CENPV: variants seen among roughly 807,000 people sequenced by gnomAD.
CENPV encodes the protein centromere protein V, also known as nuclear protein p30.
CENPV carries 15 observed loss-of-function variants against 26.4 expected under a neutral mutation model. The observed-to-expected ratio is 0.57, with a 90% CI of 0.38 to 0.88. CENPV has a LOEUF of 0.88. Among genes scored for constraint, CENPV ranks in the 40% least tolerant of loss-of-function variants. The pLI is 0.00. For synonymous variants in CENPV, 172 were observed against 165.5 expected (o/e 1.04, Z -0.30); for missense variants, 336 against 376.5 (o/e 0.89, Z 0.89).
intron 2 of CENPV, chr17:16,349,416 G>C (rs1004326065): frequency 1.0e-6 from 1 of 986,022 alleles, no homozygotes; most frequent in African/African-American, 1.7e-5. Context: ...TGTCGTCCCT[G>C]CTCCATCATA....
At chr17:16,346,342 T>C (rs962552073) in intron 3 of CENPV, among the ~76,000 whole-genome samples, 4 of 152,176 alleles carry the variant, frequency 2.6e-5, no homozygotes, top group Non-Finnish European at 4.4e-5. Context: ...TGTCCCTCAA[T>C]AGAGGACCGG....
rs2093236354 is a variant in CENPV at position 16,353,461 on chromosome 17, C to T, written c.-25G>A. 8.4e-6 allele frequency: 9 copies of T among 1,069,032 alleles called. No homozygotes were observed. The highest frequency in any genetic ancestry group is 4.2e-4 in the Middle Eastern group (1 of 2,354). 66.2% of individuals were successfully genotyped at this position (1,069,032 alleles called of 1,614,324 possible). On this transcript the variant is annotated 5_prime_UTR_variant, in exon 1 of 5. Coordinates refer to ENST00000299736, the MANE Select transcript of CENPV (RefSeq NM_181716.3). ...TGGCTCCCGCAGCCTGGCGCGCAGG[C>T]CTCGCAGCGCGGCGCGCCCCCGCCG...
Position 16,353,253 on chromosome 17 carries a change from G to A in CENPV, c.184C>T (p.Arg62Trp). ...GCCCGCGGCGACGAGCGCCTCAGCC[G>A]CGGCTTCTCCGACGGCGGCTTCTCC... The part of the protein sequence containing the change: ...AVEKPPSEKP[R>W]LRRSSPRAQE... Residue 62 changes from arginine to tryptophan, a missense_variant, in exon 1 of 5, where the codon CGG becomes TGG. Physicochemically the swap from Arg to Trp is moderately radical, Grantham distance 101. This residue lies in a region of CENPV where 181 missense variants were observed against 148.8 expected (regional missense o/e 1.22). Transcript: ENST00000299736. 1.4e-6 allele frequency: 2 copies of A among 1,416,822 alleles called. No individual in the cohort carries two copies. Among genetic ancestry groups the A allele is most frequent in the African/African-American group, 1.5e-5 (1 of 67,180 alleles). The allele number at this position is 1,416,822 out of a possible 1,614,324, so 87.8% of individuals were successfully genotyped here.
intron 4 of CENPV, 31 bp downstream of exon 4, chr17:16,344,566 C>G (rs2093196826): frequency 7.4e-7 from 1 of 1,348,536 alleles, no homozygotes; most frequent in Non-Finnish European, 1.0e-6. Flanking sequence ...TCTGTGTCCC[C>G]CTGAGCTTGC....
chr17:16,346,685 A>T (rs934356525), intron 3 of CENPV, among the ~76,000 whole-genome samples: 10 of 151,554 alleles, frequency 6.6e-5, no homozygotes, highest in African/African-American at 2.4e-4. Flanking sequence ...TGGGAGGCGG[A>T]GGTTACAGTG....
At chr17:16,349,391 C>T (rs1431406749) in intron 2 of CENPV, 1 of 985,896 alleles carries the variant, frequency 1.0e-6, no homozygotes, top group Admixed American at 6.1e-5. Flanking sequence ...AACTTTGGGT[C>T]CCAAAGCCAG....
At chr17:16,350,150 C>T (rs1272744474) in intron 1 of CENPV, 121 bp from the exon 2 acceptor site, 1 of 1,224,706 alleles carries the variant, frequency 8.2e-7, no homozygotes, top group Non-Finnish European at 1.1e-6. Context: ...CAACCAGATG[C>T]ATTTCTGCTT....
intron 2 of CENPV, 46 bp from the exon 3 acceptor site, chr17:16,348,731 A>G (rs1186727532): frequency 1.2e-6 from 2 of 1,611,420 alleles, no homozygotes; most frequent in Non-Finnish European, 1.7e-6. Context: ...AGCCACCTGC[A>G]TCCTCTATGC....
At chr17:16,351,660 T>C (rs2093229665) in intron 1 of CENPV, 1 of 152,206 alleles carries the variant, frequency 6.6e-6, no homozygotes, top group South Asian at 2.1e-4. Context: ...TTATACACAC[T>C]TTTTGAATAT....
intron 1 of CENPV, 47 bp downstream of exon 1, chr17:16,352,980 G>A: frequency 2.7e-6 from 4 of 1,500,424 alleles, no homozygotes; most frequent in Non-Finnish European, 3.5e-6. Flanking sequence ...CTGCCGAGGG[G>A]GTCCGCGTGG....
rs1216431209 is a variant in CENPV, at chr17:16,344,670, T to C, written c.621A>G (p.Lys207=). 1.9e-6 allele frequency: 3 copies of C among 1,600,010 alleles called. No homozygotes were observed. The highest frequency in any genetic ancestry group is 2.6e-6 in the Non-Finnish European group (3 of 1,173,744). Residue 207 remains lysine (K), a synonymous_variant, in exon 4 of 5, where the codon AAA becomes AAG. Coordinates refer to ENST00000299736, the MANE Select transcript of CENPV (RefSeq NM_181716.3). ...HITTYTFNTH[K]AQHTFCKRCG... ...ATCTCTTACAGAAGGTATGCTGGGC[T>C]TTGTGAGTATTGAACGTGTAAGTCG...
At chr17:16,348,878 C>T (rs1335799062) in intron 2 of CENPV, 193 bp from the exon 3 acceptor site, 6 of 1,378,318 alleles carry the variant, frequency 4.4e-6, no homozygotes, top group Non-Finnish European at 5.7e-6. Context: ...CCAGGGGGGT[C>T]CCAAGTCAGC....
intron 3 of CENPV, 122 bp from the exon 4 acceptor site, chr17:16,344,833 C>T: frequency 4.3e-6 from 2 of 464,190 alleles, no homozygotes; most frequent in Non-Finnish European, 7.1e-6. Flanking sequence ...TGCAGTGGCG[C>T]AATCTTGGCT....
chr17:16,352,980 G>T lies in CENPV; in HGVS notation c.410+47C>A, dbSNP rs750746524. ...CTGCGAGCCCGACTCCTGCCGAGGG[G>T]GTCCGCGTGGCAACGGCTCCCGCGC... is the stretch of plus-strand genomic sequence containing the variant. On this transcript the variant is annotated intron_variant, in intron 1 of 4. Transcript: ENST00000299736. 7 of 1,500,422 alleles carry T rather than the reference G, an allele frequency of 4.7e-6. No individual in the cohort carries two copies. The East Asian group carries it at 1.4e-4, about 29-fold the overall frequency. 92.9% of individuals were successfully genotyped at this position (1,500,422 alleles called of 1,614,324 possible). A position where few individuals can be genotyped will look rare whatever the true frequency, so the allele number is the denominator to read the frequency against.
chr17:16,345,977 G>A (rs1352286284), intron 3 of CENPV, among the ~76,000 whole-genome samples: 1 of 152,164 alleles, frequency 6.6e-6, no homozygotes, highest in African/African-American at 2.4e-5. Flanking sequence ...ACTGGACAAA[G>A]GACATGAACG....
In CENPV at chr17:16,344,688, G is replaced by A; in HGVS notation, c.603C>T (p.Tyr201=). 6.3e-7 allele frequency: 1 copy of A among 1,595,598 alleles called. No individual in the cohort carries two copies. The highest frequency in any genetic ancestry group is 8.5e-7 in the Non-Finnish European group (1 of 1,171,686). ...GCTGGGCTTTGTGAGTATTGAACGTGTAAGTCGTTATGTGCTCAGCTCCCT... is the reference window on the plus strand; with the variant it reads ...GCTGGGCTTTGTGAGTATTGAACGTATAAGTCGTTATGTGCTCAGCTCCCT... ...LLKGAEHITT[Y]TFNTHKAQHT... Residue 201 remains tyrosine (Y), a synonymous_variant, in exon 4 of 5, where the codon TAC becomes TAT. Coordinates refer to ENST00000299736, the MANE Select transcript of CENPV (RefSeq NM_181716.3).
At chr17:16,352,951 C>G (rs2093234042) in intron 1 of CENPV, 76 bp downstream of exon 1, 2 of 1,434,038 alleles carry the variant, frequency 1.4e-6, no homozygotes, top group Non-Finnish European at 1.8e-6. Context: ...GGCCTGCACG[C>G]GGGCTGCGAG....
At chr17:16,349,500 G>T in intron 2 of CENPV, 1 of 987,238 alleles carries the variant, frequency 1.0e-6, no homozygotes, top group Non-Finnish European at 1.2e-6. Flanking sequence ...AGAGCAGAGC[G>T]AGAGTGGAGG....
chr17:16,352,648 A>G (rs2093233021), intron 1 of CENPV, among the ~76,000 whole-genome samples: 1 of 152,104 alleles, frequency 6.6e-6, no homozygotes, highest in Non-Finnish European at 1.5e-5. Context: ...GGTAAGAGAA[A>G]GCCGTGGGAT....
Sources: gnomAD v4.1 joint callset for allele counts (sites outside exome capture counted in the v4.1 genomes callset) on GRCh38, gnomAD v4.1.1 for gene constraint, gnomAD v4.1.1 regional missense constraint, MANE v1.5 for transcripts, NCBI Gene and HGNC (gene_info 2026-07-23, HGNC 2026-07-21) for gene names.